TUBA3C: variants seen among roughly 807,000 people sequenced by gnomAD.
The protein encoded by TUBA3C is tubulin alpha 3c, also known as tubulin alpha-3C chain.
In TUBA3C, 23 loss-of-function variants were observed where a neutral mutation model predicts 33.4. The ratio of observed to expected loss-of-function variants is 0.69; its 90% CI spans 0.50 to 0.98. The LOEUF (loss-of-function observed/expected upper bound fraction) is 0.98. TUBA3C is among the 50% of genes least tolerant of loss of function. The pLI, the probability that TUBA3C is intolerant of heterozygous loss-of-function variation, is 0.00. For synonymous variants in TUBA3C, 269 were observed against 250.4 expected, an observed-to-expected ratio of 1.07 and a Z score of -0.70; for missense variants, 402 against 616.0, an observed-to-expected ratio of 0.65 and a Z score of 3.68.
chr13:19,178,962 C>T lies in TUBA3C; in HGVS notation c.226+379G>A, dbSNP rs1466842671. ...AAGCAAATGACTGTTCTGTACTTAA[C>T]CTTCTATGCCTAAGATGCAGGTCAA... is the stretch of plus-strand genomic sequence containing the variant. On this transcript the variant is annotated intron_variant, in intron 2 of 4. Transcript: ENST00000400113. Among the ~76,000 whole-genome samples the T allele has an allele frequency of 3.9e-5, 6 of 152,178 alleles. No individual in the cohort carries two copies. The South Asian group carries it at 1.0e-3, about 26-fold the overall frequency.
Position 19,174,136 on chromosome 13 carries a change from G to C in TUBA3C, c.1080C>G (p.Pro360=), listed in dbSNP as rs185695501. The change falls in exon 5 of 5, where the codon CCC becomes CCG. Residue 360 remains proline (P), a synonymous_variant. Coordinates refer to ENST00000400113, the MANE Select transcript of TUBA3C (RefSeq NM_006001.3). ...GFKVGINYQP[P]TVVPGGDLAK... ...CCAGGTCTCCCCCAGGGACCACCGT[G>C]GGGGGCTGGTAGTTAATGCCCACCT... 5 of 1,612,746 alleles carry C rather than the reference G, an allele frequency of 3.1e-6. No homozygotes were observed. The highest frequency in any genetic ancestry group is 2.2e-5 in the South Asian group (2 of 90,992).
At position 19,181,760 on chromosome 13, in the gene TUBA3C, CG is replaced by C. The variant is rs1209138569; in HGVS notation, c.-14del. On this transcript the variant is annotated 5_prime_UTR_variant, in exon 1 of 5. Transcript: ENST00000400113. ...CTGGCCTTACCATGTTGAGCTCCTC[CG>C]CTGCCGCAGCCCAACGCTACTACTT... is the stretch of plus-strand genomic sequence containing the variant. 6.2e-7 allele frequency: 1 copy of C among 1,602,250 alleles called. No homozygotes were observed. Among genetic ancestry groups the C allele is most frequent in the African/African-American group, 1.3e-5 (1 of 74,908 alleles).
chr13:19,178,783 G>A (rs1869294231), intron 2 of TUBA3C, among the ~76,000 whole-genome samples: 1 of 152,180 alleles, frequency 6.6e-6, no homozygotes, highest in Non-Finnish European at 1.5e-5. Flanking sequence ...CACCAGGTCA[G>A]TGTGACTTCT....
At position 19,178,389 on chromosome 13, in the gene TUBA3C, C is replaced by T. The variant is rs766179425; in HGVS notation, c.232G>A (p.Val78Met). The change falls in exon 3 of 5, where the codon GTG becomes ATG. Residue 78 changes from valine to methionine, a missense_variant. Transcript: ENST00000400113. ...VDLEPTVVDE[V>M]RTGTYRQLFH... is the part of the protein sequence containing the mutation. ...AGCTGCCTATAGGTTCCTGTGCGCA[C>T]TTCATCTACAAAAGAGACCGTATGT... 6.2e-7 allele frequency: 1 copy of T among 1,613,786 alleles called. No homozygotes were observed. The highest frequency in any genetic ancestry group is 1.1e-5 in the South Asian group (1 of 91,022).
At position 19,174,136 on chromosome 13, in the gene TUBA3C, G is replaced by T. The variant is rs185695501; in HGVS notation, c.1080C>A (p.Pro360=). Residue 360 remains proline, a synonymous_variant, in exon 5 of 5, where the codon CCC becomes CCA. Coordinates refer to ENST00000400113, the MANE Select transcript of TUBA3C (RefSeq NM_006001.3). ...GFKVGINYQP[P]TVVPGGDLAK... ...CCAGGTCTCCCCCAGGGACCACCGT[G>T]GGGGGCTGGTAGTTAATGCCCACCT... 1.5e-4 allele frequency: 244 copies of T among 1,612,862 alleles called. No homozygotes were observed. The highest frequency in any genetic ancestry group is 3.8e-4 in the Admixed American group (23 of 59,982).
Position 19,174,092 on chromosome 13 carries a change from A to G in TUBA3C, c.1124T>C (p.Val375Ala). The G allele has an allele frequency of 6.2e-7, 1 of 1,613,706 alleles. No homozygotes were observed. Among genetic ancestry groups the G allele is most frequent in the Non-Finnish European group, 8.5e-7 (1 of 1,179,946 alleles). ...GGCCGTGGTGTTGCTCAGCATGCAC[A>G]CAGCCCGCTGCACCTTGGCCAGGTC... is the stretch of plus-strand genomic sequence containing the variant. ...GGDLAKVQRA[V>A]CMLSNTTAIA... Residue 375 changes from valine to alanine, a missense_variant, in exon 5 of 5, where the codon GTG becomes GCG. Transcript: ENST00000400113.
chr13:19,181,282 C>G (rs1869406340), intron 1 of TUBA3C, among the ~76,000 whole-genome samples: 1 of 152,030 alleles, frequency 6.6e-6, no homozygotes, highest in Non-Finnish European at 1.5e-5. Context: ...AGCCCCTGAC[C>G]TCAGGGGATT....
intron 4 of TUBA3C, among the ~76,000 whole-genome samples, chr13:19,174,393 C>T (rs1869110428): frequency 6.6e-6 from 1 of 151,968 alleles, no homozygotes; most frequent in Admixed American, 6.5e-5. Flanking sequence ...CCCAGCCTCC[C>T]AAAGTGCTAG....
intron 2 of TUBA3C, among the ~76,000 whole-genome samples, chr13:19,178,999 A>C (rs1869301084): frequency 6.6e-6 from 1 of 152,172 alleles, no homozygotes; most frequent in South Asian, 2.1e-4. Flanking sequence ...ACTCTCTTGC[A>C]CCAGCATAAG....
chr13:19,180,311 C>T (rs1869356070), intron 1 of TUBA3C, among the ~76,000 whole-genome samples: 1 of 152,100 alleles, frequency 6.6e-6, no homozygotes, highest in African/African-American at 2.4e-5. Context: ...ACTCCCTCCC[C>T]TCTACCCCTT....
At chr13:19,174,637 T>C (rs1458095656) in intron 4 of TUBA3C, among the ~76,000 whole-genome samples, 1 of 151,654 alleles carries the variant, frequency 6.6e-6, no homozygotes, top group Non-Finnish European at 1.5e-5. Context: ...CACTGTCTCA[T>C]GTAGGGTTTG....
At chr13:19,181,718 T>G (rs1788543337) in intron 1 of TUBA3C, 27 bp downstream of exon 1, 1 of 1,601,704 alleles carries the variant, frequency 6.2e-7, no homozygotes, top group Non-Finnish European at 8.5e-7. Context: ...CCTGGGCGTC[T>G]GCGGGGTGGG....
chr13:19,180,507 A>AC (rs1212537142), intron 1 of TUBA3C, among the ~76,000 whole-genome samples: 1 of 148,598 alleles, frequency 6.7e-6, no homozygotes, highest in African/African-American at 2.5e-5. Flanking sequence ...TATGAAAAAA[A>AC]ATTTTTTTTT....
At position 19,177,726 on chromosome 13, in the gene TUBA3C, A is replaced by G; in HGVS notation, c.376-119T>C. 7.7e-7 allele frequency: 1 copy of G among 1,294,126 alleles called. No individual in the cohort carries two copies. Among genetic ancestry groups the G allele is most frequent in the Non-Finnish European group, 1.0e-6 (1 of 953,150 alleles). The allele number at this position is 1,294,126 out of a possible 1,614,324, so 80.2% of individuals were successfully genotyped here. A position where few individuals can be genotyped will look rare whatever the true frequency, so the allele number is the denominator to read the frequency against. On this transcript the variant is annotated intron_variant, in intron 3 of 4. Coordinates refer to ENST00000400113, the MANE Select transcript of TUBA3C (RefSeq NM_006001.3). The surrounding 1 kb of genome is among the most constrained non-coding windows in gnomAD (Gnocchi z 5.0). Reference sequence around the variant, plus strand: ...GATATGGATTCCAATCATCCATAATAAACACGCAGTACACTCTGAAGCAAA... The same window carrying G: ...GATATGGATTCCAATCATCCATAATGAACACGCAGTACACTCTGAAGCAAA...
intron 1 of TUBA3C, among the ~76,000 whole-genome samples, chr13:19,181,296 C>T (rs922573337): frequency 3.9e-5 from 6 of 152,036 alleles, no homozygotes; most frequent in African/African-American, 1.2e-4. Flanking sequence ...GGGGATTCCC[C>T]GCCTCCAACT....
chr13:19,177,623 C>T lies in TUBA3C; in HGVS notation c.376-16G>A, dbSNP rs1256836321. 1.3e-6 allele frequency: 2 copies of T among 1,543,394 alleles called. No individual in the cohort carries two copies. The highest frequency in any genetic ancestry group is 4.5e-5 in the East Asian group (2 of 44,284). ...ACAGATCCGCCTGAGGGAAACCAGA[C>T]AACATGAATCAATGCCCGTGGAAGC... On this transcript the variant is annotated splice_polypyrimidine_tract_variant and intron_variant, in intron 3 of 4. Transcript: ENST00000400113. The surrounding 1 kb of genome is among the most constrained non-coding windows in gnomAD (Gnocchi z 5.0).
intron 1 of TUBA3C, among the ~76,000 whole-genome samples, chr13:19,180,595 G>T (rs945947798): frequency 6.6e-6 from 1 of 151,622 alleles, no homozygotes. Flanking sequence ...TCTGCCTCCC[G>T]GGTTCAAGCA....
At chr13:19,175,498 C>A (rs1430662101) in intron 4 of TUBA3C, among the ~76,000 whole-genome samples, 3 of 152,144 alleles carry the variant, frequency 2.0e-5, no homozygotes, top group Non-Finnish European at 2.9e-5. Context: ...GGCTCAGACC[C>A]CCACCGTCTC....
intron 1 of TUBA3C, among the ~76,000 whole-genome samples, chr13:19,180,784 A>C (rs57993618): frequency 0.13 from 19,836 of 151,762 alleles, 1,484 homozygotes; most frequent in African/African-American, 0.2. Flanking sequence ...CGTGAGCCAC[A>C]GCGCCCGGCC....
Sources: gnomAD v4.1 joint callset for allele counts (sites outside exome capture counted in the v4.1 genomes callset) on GRCh38, gnomAD v4.1.1 for gene constraint, Gnocchi (gnomAD v3.1) non-coding constraint, MANE v1.5 for transcripts, NCBI Gene and HGNC (gene_info 2026-07-23, HGNC 2026-07-21) for gene names.